The following CHIC2 variants were observed in gnomAD, a reference collection of about 807,000 sequenced individuals.
The protein encoded by CHIC2 is cysteine rich hydrophobic domain 2, also known as cysteine-rich hydrophobic domain-containing protein 2.
A neutral mutation model predicts 25.9 loss-of-function variants in CHIC2; 14 were observed. The observed-to-expected ratio is 0.54, with a 90% CI of 0.36 to 0.85. The LOEUF (loss-of-function observed/expected upper bound fraction) is 0.85, where lower values mean the gene tolerates loss of function less well. Ranked by LOEUF, CHIC2 falls within the 40% of genes least tolerant of loss-of-function variation. CHIC2 has a pLI of 0.01. For synonymous variants in CHIC2, 70 were observed against 72.0 expected (o/e 0.97, Z 0.14); for missense variants, 146 against 202.0 (o/e 0.72, Z 1.68).
chr4:54,045,318 A>C lies in CHIC2; in HGVS notation c.330+3637T>G, dbSNP rs187974724. Among the ~76,000 whole-genome samples, 1,425 of 152,342 alleles carry C rather than the reference A, an allele frequency of 9.4e-3. 23 individuals carry two copies. The highest frequency in any genetic ancestry group is 0.032 in the African/African-American group (1,343 of 41,570). On this transcript the variant is annotated intron_variant, in intron 3 of 5. Coordinates refer to ENST00000263921, the MANE Select transcript of CHIC2 (RefSeq NM_012110.4). ...ATTTTATGAGGCCAGCATCATCCTG[A>C]TACCAAAGCCGGGCAGAGACACAAC...
the CHIC2 span, among the ~76,000 whole-genome samples, chr4:54,084,087 T>G: frequency 1.3e-5 from 2 of 152,126 alleles, no homozygotes; most frequent in African/African-American, 4.8e-5. Flanking sequence ...AGAACAGATC[T>G]CTCCTCCATG....
At chr4:54,029,680 T>C (rs1459702125) in intron 3 of CHIC2, among the ~76,000 whole-genome samples, 2 of 152,228 alleles carry the variant, frequency 1.3e-5, no homozygotes, top group East Asian at 1.9e-4. Flanking sequence ...TTCATCTAAA[T>C]GTTTCTTTCT....
At chr4:54,083,671 A>T in the CHIC2 span, among the ~76,000 whole-genome samples, 1 of 152,058 alleles carries the variant, frequency 6.6e-6, no homozygotes, top group Non-Finnish European at 1.5e-5. Flanking sequence ...TCTCCTCTCC[A>T]TTCCCACCAC....
At chr4:54,046,751 T>C (rs1396356300) in intron 3 of CHIC2, among the ~76,000 whole-genome samples, 1 of 152,196 alleles carries the variant, frequency 6.6e-6, no homozygotes, top group African/African-American at 2.4e-5. Flanking sequence ...AAGGACTTCA[T>C]GTCTAAAACA....
At chr4:54,085,941 A>T in the CHIC2 span, among the ~76,000 whole-genome samples, 1 of 152,064 alleles carries the variant, frequency 6.6e-6, no homozygotes, top group Non-Finnish European at 1.5e-5. Flanking sequence ...TTGTGGAAAT[A>T]ACAGTTAAAA....
At chr4:54,056,895 G>C (rs537363290) in intron 1 of CHIC2, among the ~76,000 whole-genome samples, 4 of 152,012 alleles carry the variant, frequency 2.6e-5, no homozygotes, top group African/African-American at 7.3e-5. Context: ...TCACATTTAC[G>C]AGGGTTCCCA....
the CHIC2 span, among the ~76,000 whole-genome samples, chr4:54,075,067 T>G: frequency 6.6e-6 from 1 of 152,274 alleles, no homozygotes; most frequent in Non-Finnish European, 1.5e-5. Context: ...GCTGTGATTG[T>G]GCCACTGCAC....
intron 3 of CHIC2, among the ~76,000 whole-genome samples, chr4:54,044,181 T>G (rs1258420590): frequency 1.3e-5 from 2 of 152,140 alleles, no homozygotes; most frequent in African/African-American, 2.4e-5. Flanking sequence ...ACAAAGAGAC[T>G]TACACTCCCA....
At chr4:54,070,643 G>T in the CHIC2 span, among the ~76,000 whole-genome samples, 1 of 152,044 alleles carries the variant, frequency 6.6e-6, no homozygotes, top group Non-Finnish European at 1.5e-5. Flanking sequence ...GGCTGGTCTT[G>T]AACTCCTGAC....
Position 54,064,140 on chromosome 4 carries a change from C to G in CHIC2, c.119+42G>C. 1.3e-6 allele frequency: 2 copies of G among 1,553,746 alleles called. No homozygotes were observed. Among genetic ancestry groups the G allele is most frequent in the Non-Finnish European group, 1.8e-6 (2 of 1,141,094 alleles). On this transcript the variant is annotated intron_variant, in intron 1 of 5. Transcript: ENST00000263921. This position sits in a 1 kb window ranked among gnomAD's most constrained non-coding sequence, Gnocchi z 4.2. The stretch of plus-strand genomic sequence containing the variant: ...GCTCCCGTGGAGTAACGGGGCCCAC[C>G]CCAGCCCGCACCTCCCGCCCTCGCC...
At chr4:54,053,481 G>A (rs945533039) in intron 1 of CHIC2, among the ~76,000 whole-genome samples, 11 of 151,358 alleles carry the variant, frequency 7.3e-5, no homozygotes, top group East Asian at 2.0e-4. Context: ...GCTGGAACCC[G>A]GAGGCGGAGG....
the CHIC2 span, among the ~76,000 whole-genome samples, chr4:54,071,393 C>T: frequency 6.6e-6 from 1 of 152,316 alleles, no homozygotes; most frequent in East Asian, 1.9e-4. Flanking sequence ...CAAATCAACC[C>T]ACTTAGCCTT....
chr4:54,064,695 G>T, upstream of CHIC2: 4 of 1,004,618 alleles, frequency 4.0e-6, no homozygotes, highest in South Asian at 1.4e-4. The surrounding 1 kb of genome is among the most constrained non-coding windows in gnomAD (Gnocchi z 4.2). Context: ...GCGCGTGCGT[G>T]GGCGCGTGGG....
chr4:54,030,942 T>C (rs1367194676), intron 3 of CHIC2, among the ~76,000 whole-genome samples: 3 of 151,560 alleles, frequency 2.0e-5, no homozygotes, highest in Non-Finnish European at 4.4e-5. Context: ...GGCGCAATCT[T>C]GGCTCACTGC....
At chr4:54,090,255 C>T in the CHIC2 span, among the ~76,000 whole-genome samples, 20 of 152,020 alleles carry the variant, frequency 1.3e-4, no homozygotes, top group Non-Finnish European at 2.2e-4. Flanking sequence ...GGTGCAATCT[C>T]GGCTCACTGC....
At chr4:54,046,085 A>T (rs1437298409) in intron 3 of CHIC2, among the ~76,000 whole-genome samples, 7 of 151,660 alleles carry the variant, frequency 4.6e-5, no homozygotes, top group Admixed American at 3.3e-4. Flanking sequence ...TAGGAATCCA[A>T]CTTACAAGGG....
the CHIC2 span, among the ~76,000 whole-genome samples, chr4:54,076,108 G>A: frequency 1.1e-4 from 16 of 152,110 alleles, no homozygotes; most frequent in Admixed American, 2.0e-4. Context: ...GCAACATAGC[G>A]AGATCTTGTC....
the CHIC2 span, among the ~76,000 whole-genome samples, chr4:54,090,089 C>G: frequency 7.2e-3 from 1,098 of 152,204 alleles, 6 homozygotes; most frequent in Non-Finnish European, 0.012. Flanking sequence ...GTTCCAAAAC[C>G]ATAAAAAATC....
the CHIC2 span, among the ~76,000 whole-genome samples, chr4:54,075,961 A>C: frequency 6.6e-6 from 1 of 152,200 alleles, no homozygotes; most frequent in Non-Finnish European, 1.5e-5. Flanking sequence ...TATTCATCCC[A>C]TTCTATAAAC....
Sources: gnomAD v4.1 joint callset for allele counts (sites outside exome capture counted in the v4.1 genomes callset) on GRCh38, gnomAD v4.1.1 for gene constraint, Gnocchi (gnomAD v3.1) non-coding constraint, MANE v1.5 for transcripts, NCBI Gene and HGNC (gene_info 2026-07-23, HGNC 2026-07-21) for gene names.